The following CDH8 variants were observed in gnomAD, a reference collection of about 807,000 sequenced individuals.
CDH8 encodes the protein cadherin 8.
A neutral mutation model predicts 68.1 loss-of-function variants in CDH8; 17 were observed. The ratio of observed to expected loss-of-function variants is 0.25; its 90% CI spans 0.17 to 0.37. The LOEUF (loss-of-function observed/expected upper bound fraction) is 0.37. Among genes scored for constraint, CDH8 ranks in the 10% least tolerant of loss-of-function variants. CDH8 has a pLI of 1.00. For missense variants in CDH8, 763 were observed against 999.3 expected (o/e 0.76, Z 3.19); for synonymous variants, 372 against 365.1 (o/e 1.02, Z -0.21).
chr16:61,702,988 T>C, intron 10 of CDH8, among the ~76,000 whole-genome samples: 1 of 152,280 alleles, frequency 6.6e-6, no homozygotes, highest in African/African-American at 2.4e-5. Flanking sequence ...CCTAATAAAT[T>C]TTAGACATTG....
chr16:61,980,148 G>A (rs16964124), intron 2 of CDH8, among the ~76,000 whole-genome samples: 3,997 of 152,218 alleles, frequency 0.026, 163 homozygotes, highest in African/African-American at 0.084. Flanking sequence ...ATTTGGAAGC[G>A]CTCAGCACAT....
chr16:61,743,946 T>A (rs1959949180), intron 8 of CDH8, among the ~76,000 whole-genome samples: 1 of 152,164 alleles, frequency 6.6e-6, no homozygotes, highest in African/African-American at 2.4e-5. Flanking sequence ...TGGTTTAATT[T>A]TCAATACTTA....
chr16:61,755,608 A>C (rs886626237), intron 8 of CDH8, among the ~76,000 whole-genome samples: 1 of 152,116 alleles, frequency 6.6e-6, no homozygotes, highest in Non-Finnish European at 1.5e-5. Context: ...CTGTGTGCCA[A>C]TTGTGAGCCT....
At chr16:61,678,903 T>G (rs568080947) in intron 10 of CDH8, among the ~76,000 whole-genome samples, 1 of 152,202 alleles carries the variant, frequency 6.6e-6, no homozygotes, top group South Asian at 2.1e-4. Flanking sequence ...GTTCATTGAC[T>G]TAGTTCTGAA....
intron 8 of CDH8, among the ~76,000 whole-genome samples, chr16:61,763,490 G>A (rs1960516493): frequency 6.6e-6 from 1 of 152,114 alleles, no homozygotes; most frequent in Admixed American, 6.6e-5. Flanking sequence ...CAAGTCTACA[G>A]AATGCACACT....
At chr16:61,685,584 C>A (rs750311251) in intron 10 of CDH8, among the ~76,000 whole-genome samples, 9 of 151,822 alleles carry the variant, frequency 5.9e-5, no homozygotes, top group Non-Finnish European at 1.0e-4. Context: ...AGTTCAGTTT[C>A]CCTGTATATA....
intron 1 of CDH8, among the ~76,000 whole-genome samples, chr16:62,024,987 A>G (rs1467276517): frequency 6.6e-6 from 1 of 152,204 alleles, no homozygotes; most frequent in Admixed American, 6.5e-5. Context: ...TGTTTGGCAA[A>G]GATAAAGAAA....
rs114896444 is a variant in CDH8 at position 61,678,467 on chromosome 16, G to A, written c.1655-22746C>T. 8.4e-3 allele frequency among the ~76,000 whole-genome samples: 1,275 copies of A among 152,060 alleles called. 22 individuals are homozygous for A. The highest frequency in any genetic ancestry group is 0.028 in the African/African-American group (1,149 of 41,498). ...AGACCAGGTTAGCCACTTGCTTTTC[G>A]TTTTCCTTTTGTGTCAGATATCAAT... On this transcript the variant is annotated intron_variant, in intron 10 of 11. Coordinates refer to ENST00000577390, the MANE Select transcript of CDH8 (RefSeq NM_001796.5).
At chr16:61,915,999 C>T (rs772331798) in intron 2 of CDH8, among the ~76,000 whole-genome samples, 5 of 152,118 alleles carry the variant, frequency 3.3e-5, no homozygotes, top group Non-Finnish European at 7.3e-5. Flanking sequence ...TAATACCACC[C>T]GTTAACAAAT....
intron 8 of CDH8, among the ~76,000 whole-genome samples, chr16:61,782,778 A>T (rs1336547037): frequency 1.3e-5 from 2 of 151,956 alleles, no homozygotes; most frequent in Non-Finnish European, 2.9e-5. Context: ...TGGGTCCCTG[A>T]CCCCTGACCC....
At chr16:61,826,554 C>T (rs565111287) in intron 4 of CDH8, among the ~76,000 whole-genome samples, 1 of 151,888 alleles carries the variant, frequency 6.6e-6, no homozygotes, top group Non-Finnish European at 1.5e-5. Flanking sequence ...AATTTAACCC[C>T]TTCACTTCTA....
intron 4 of CDH8, among the ~76,000 whole-genome samples, chr16:61,847,300 A>T (rs1458954994): frequency 6.6e-6 from 1 of 151,966 alleles, no homozygotes; most frequent in Non-Finnish European, 1.5e-5. Flanking sequence ...AAAAACACAA[A>T]AACAATATTT....
chr16:61,874,869 G>C (rs1374157023), intron 3 of CDH8, among the ~76,000 whole-genome samples: 1 of 152,152 alleles, frequency 6.6e-6, no homozygotes, highest in Non-Finnish European at 1.5e-5. Flanking sequence ...AATAGATACA[G>C]AGAGGTTCAA....
At chr16:61,959,556 G>GTA (rs1262013377) in intron 2 of CDH8, among the ~76,000 whole-genome samples, 48 of 134,680 alleles carry the variant, frequency 3.6e-4, no homozygotes, top group South Asian at 1.6e-3. Context: ...GTGTGTGTGT[G>GTA]TGTATATATA....
intron 8 of CDH8, among the ~76,000 whole-genome samples, chr16:61,782,469 A>G (rs1278791927): frequency 1.3e-5 from 2 of 152,046 alleles, no homozygotes; most frequent in Non-Finnish European, 2.9e-5. Context: ...TTGCTAGCAC[A>G]GCAGTCTGAG....
intron 2 of CDH8, among the ~76,000 whole-genome samples, chr16:61,979,860 C>T (rs553923402): frequency 2.3e-4 from 35 of 152,250 alleles, no homozygotes; most frequent in African/African-American, 4.1e-4. Context: ...TGTCTGATTC[C>T]GCTTTCAAGA....
chr16:61,819,546 G>A (rs1962163047), intron 6 of CDH8, among the ~76,000 whole-genome samples: 1 of 151,982 alleles, frequency 6.6e-6, no homozygotes, highest in East Asian at 1.9e-4. Flanking sequence ...ACTCAACCAG[G>A]ATTTTGGTAG....
chr16:62,026,838 C>T (rs1030592987), intron 1 of CDH8, among the ~76,000 whole-genome samples: 1 of 152,220 alleles, frequency 6.6e-6, no homozygotes, highest in Non-Finnish European at 1.5e-5. Context: ...CATGGGCAGA[C>T]TAACACTGTC....
chr16:61,903,806 G>C (rs1964020623), intron 2 of CDH8, among the ~76,000 whole-genome samples: 1 of 152,086 alleles, frequency 6.6e-6, no homozygotes, highest in Non-Finnish European at 1.5e-5. Flanking sequence ...ACAGAGAAGA[G>C]GCACTATTAA....
Sources: allele counts gnomAD v4.1 joint callset (sites outside exome capture counted in the v4.1 genomes callset), GRCh38; gene constraint gnomAD v4.1.1; transcripts MANE v1.5; gene names NCBI Gene and HGNC (gene_info 2026-07-23, HGNC 2026-07-21).